Variants in CNBD1 observed in about 807,000 individuals in gnomAD.
The protein encoded by CNBD1 is cyclic nucleotide binding domain containing 1, also known as cyclic nucleotide-binding domain-containing protein 1.
A neutral mutation model predicts 54.4 loss-of-function variants in CNBD1; 71 were observed. The ratio of observed to expected loss-of-function variants is 1.30; its 90% CI spans 1.08 to 1.59. The LOEUF is 1.59. Among genes scored for constraint, CNBD1 ranks in the 40% most tolerant of loss-of-function variants. The pLI is 0.00. For synonymous variants in CNBD1, 182 were observed against 170.7 expected (o/e 1.07, Z -0.51); for missense variants, 659 against 518.0 (o/e 1.27, Z -2.64).
chr8:86,887,681 T>C (rs981480103), intron 2 of CNBD1, 70 bp downstream of exon 2: 6 of 1,118,154 alleles, frequency 5.4e-6, no homozygotes, highest in African/African-American at 1.6e-5. Context: ...AGGGATAAAG[T>C]ATAGTAATAA....
chr8:86,936,392 T>C (rs533291164), intron 3 of CNBD1, among the ~76,000 whole-genome samples: 4 of 152,264 alleles, frequency 2.6e-5, no homozygotes, highest in African/African-American at 2.4e-5. Flanking sequence ...ACAAATGTTA[T>C]GTATTTTGGA....
intron 3 of CNBD1, among the ~76,000 whole-genome samples, chr8:86,931,317 A>G (rs1809453812): frequency 6.6e-6 from 1 of 152,132 alleles, no homozygotes; most frequent in Non-Finnish European, 1.5e-5. Flanking sequence ...GGGTGATGAC[A>G]TGAGCTGGCA....
chr8:87,033,769 T>G (rs1315058489), intron 4 of CNBD1, among the ~76,000 whole-genome samples: 2 of 152,186 alleles, frequency 1.3e-5, no homozygotes, highest in Admixed American at 6.5e-5. Flanking sequence ...TTCTGGAATT[T>G]GTCTGTTGTC....
chr8:87,094,426 G>A (rs551096706), intron 4 of CNBD1, among the ~76,000 whole-genome samples: 72 of 146,726 alleles, frequency 4.9e-4, no homozygotes, highest in Non-Finnish European at 9.7e-4. Context: ...TACTTTCCTT[G>A]ATTTTTTTTC....
intron 4 of CNBD1, among the ~76,000 whole-genome samples, chr8:86,987,501 C>G (rs939128082): frequency 2.0e-5 from 3 of 152,068 alleles, no homozygotes; most frequent in African/African-American, 7.2e-5. Flanking sequence ...ATTTCTTTCT[C>G]TTGTCCAATT....
chr8:86,881,920 G>T (rs1486779886), intron 1 of CNBD1, among the ~76,000 whole-genome samples: 3 of 152,120 alleles, frequency 2.0e-5, no homozygotes, highest in Non-Finnish European at 4.4e-5. Context: ...ATGGGAAAAA[G>T]ATTCCCTATT....
At chr8:86,941,954 C>A (rs1807326958) in intron 4 of CNBD1, among the ~76,000 whole-genome samples, 1 of 152,194 alleles carries the variant, frequency 6.6e-6, no homozygotes, top group Non-Finnish European at 1.5e-5. Flanking sequence ...TACGTCCCCC[C>A]TTTCAGTGGC....
intron 4 of CNBD1, among the ~76,000 whole-genome samples, chr8:87,167,269 CA>C (rs1465916409): frequency 6.6e-6 from 1 of 151,960 alleles, no homozygotes; most frequent in African/African-American, 2.4e-5. Flanking sequence ...GTGATCAAAT[CA>C]GGGTACTTAG....
intron 5 of CNBD1, among the ~76,000 whole-genome samples, chr8:87,214,185 T>G (rs1362824917): frequency 6.6e-6 from 1 of 152,188 alleles, no homozygotes; most frequent in Non-Finnish European, 1.5e-5. Flanking sequence ...AGAATGCAAA[T>G]TTTTTGAATT....
At position 87,378,040 on chromosome 8, in the gene CNBD1, A is replaced by T. The variant is rs1404667426; in HGVS notation, c.1304-4580A>T. Reference sequence around the variant, plus strand: ...GTAAATTTGTTTGAGTTCATTGTAGATTCTGGATATTAGCCCTTTGTCAGA... The same window carrying T: ...GTAAATTTGTTTGAGTTCATTGTAGTTTCTGGATATTAGCCCTTTGTCAGA... On this transcript the variant is annotated intron_variant, in intron 10 of 10. Coordinates refer to ENST00000518476, the MANE Select transcript of CNBD1 (RefSeq NM_173538.3). Among the ~76,000 whole-genome samples, 9 of 138,944 alleles carry T rather than the reference A, an allele frequency of 6.5e-5. No individual in the cohort carries two copies. In the East Asian group the frequency reaches 1.8e-3, roughly 28 times the overall value. 91.2% of individuals were successfully genotyped at this position (138,944 alleles called of 152,430 possible). A position where few individuals can be genotyped will look rare whatever the true frequency, so the allele number is the denominator to read the frequency against.
chr8:87,423,759 C>A (rs553553300), intron 2 of CNBD1, among the ~76,000 whole-genome samples: 4 of 151,726 alleles, frequency 2.6e-5, no homozygotes, highest in African/African-American at 4.9e-5. Context: ...TGTCTCTGCC[C>A]GGCTTTTGTA....
At chr8:87,082,669 G>T (rs1482139374) in intron 4 of CNBD1, among the ~76,000 whole-genome samples, 1 of 152,046 alleles carries the variant, frequency 6.6e-6, no homozygotes, top group Non-Finnish European at 1.5e-5. Flanking sequence ...GTGTGTGTGT[G>T]TGTGTTTTAA....
chr8:87,010,371 A>G lies in CNBD1; in HGVS notation c.431+70617A>G, dbSNP rs975940389. The stretch of plus-strand genomic sequence containing the variant: ...TTTTCTAATGCTTTGTTTTATATCT[A>G]ATATGTGGTTAAATCCATCTACTAG... On this transcript the variant is annotated intron_variant, in intron 4 of 10. Transcript: ENST00000518476. Among the ~76,000 whole-genome samples the G allele has an allele frequency of 6.6e-5, 10 of 152,114 alleles. No individual in the cohort carries two copies. In the East Asian group the frequency reaches 1.9e-3, roughly 29 times the overall value.
chr8:87,125,878 T>C (rs574809002), intron 4 of CNBD1, among the ~76,000 whole-genome samples: 1 of 152,040 alleles, frequency 6.6e-6, no homozygotes, highest in South Asian at 2.1e-4. Flanking sequence ...CTCATTTCTA[T>C]TGCTATATAG....
At chr8:87,328,581 G>T (rs1809743807) in intron 8 of CNBD1, among the ~76,000 whole-genome samples, 1 of 151,804 alleles carries the variant, frequency 6.6e-6, no homozygotes, top group South Asian at 2.1e-4. Context: ...TGTTTTGACT[G>T]CTTGGAGTCC....
At chr8:87,037,506 A>T (rs1015029235) in intron 4 of CNBD1, among the ~76,000 whole-genome samples, 1 of 152,070 alleles carries the variant, frequency 6.6e-6, no homozygotes, top group Non-Finnish European at 1.5e-5. Context: ...AATTGATTAT[A>T]TGATTTTTTC....
At chr8:87,146,590 C>G (rs1189920721) in intron 4 of CNBD1, among the ~76,000 whole-genome samples, 1 of 152,124 alleles carries the variant, frequency 6.6e-6, no homozygotes, top group Non-Finnish European at 1.5e-5. Flanking sequence ...GTAGTACTGA[C>G]CTCTCCATTT....
chr8:86,903,840 T>C (rs574202253), intron 2 of CNBD1, among the ~76,000 whole-genome samples: 1 of 147,234 alleles, frequency 6.8e-6, no homozygotes, highest in South Asian at 2.2e-4. Flanking sequence ...AAACAGATGA[T>C]TGTAGAATGT....
chr8:87,393,320 C>A (rs998479558), intron 2 of CNBD1, among the ~76,000 whole-genome samples: 7 of 151,858 alleles, frequency 4.6e-5, no homozygotes, highest in Non-Finnish European at 1.5e-5. Context: ...TGATAATATT[C>A]TCCCTCCAGA....
Sources: gnomAD v4.1 joint callset for allele counts (sites outside exome capture counted in the v4.1 genomes callset) on GRCh38, gnomAD v4.1.1 for gene constraint, MANE v1.5 for transcripts, NCBI Gene and HGNC (gene_info 2026-07-23, HGNC 2026-07-21) for gene names.